MYO16: variants seen among roughly 807,000 people sequenced by gnomAD.
MYO16 encodes the protein unconventional myosin-XVI.
Under a neutral mutation model 205.3 loss-of-function variants are expected in MYO16, and 94 were observed. That is an observed-to-expected ratio of 0.46 (90% confidence interval 0.39 to 0.54). MYO16 has a LOEUF of 0.54. Among genes scored for constraint, MYO16 ranks in the 20% least tolerant of loss-of-function variants. The probability of loss-of-function intolerance (pLI) is 0.00; values close to 1 mark genes in which losing one functional copy is unlikely to be tolerated. For missense variants in MYO16, 2,315 were observed against 2,387.5 expected (o/e 0.97, Z 0.63); for synonymous variants, 988 against 954.0 (o/e 1.04, Z -0.66).
chr13:109,067,106 A>G (rs1887773276), intron 27 of MYO16, among the ~76,000 whole-genome samples: 1 of 152,270 alleles, frequency 6.6e-6, no homozygotes. Flanking sequence ...CATCACAGTC[A>G]TCATCATGGG....
At chr13:108,975,185 TTTTTG>T (rs1297218774) in intron 20 of MYO16, among the ~76,000 whole-genome samples, 1 of 146,236 alleles carries the variant, frequency 6.8e-6, no homozygotes, top group Non-Finnish European at 1.5e-5. Context: ...TGGGATACTG[TTTTTG>T]TTTTTTTTTT....
At chr13:108,821,999 A>T (rs1190471052) in intron 8 of MYO16, among the ~76,000 whole-genome samples, 1 of 152,186 alleles carries the variant, frequency 6.6e-6, no homozygotes, top group Non-Finnish European at 1.5e-5. Context: ...GTTTCAACTA[A>T]AGCAGATATG....
the MYO16 span, among the ~76,000 whole-genome samples, chr13:108,506,112 C>CT: frequency 0.12 from 18,591 of 151,952 alleles, 1,241 homozygotes; most frequent in Middle Eastern, 0.2. Flanking sequence ...CAGCTTTATT[C>CT]TTTTTTTCTC....
chr13:108,945,999 G>A (rs551539198), intron 16 of MYO16, among the ~76,000 whole-genome samples: 13 of 152,294 alleles, frequency 8.5e-5, no homozygotes, highest in South Asian at 8.3e-4. Flanking sequence ...TGGAAGGTGC[G>A]TCTGTGTGCC....
chr13:108,711,103 G>A (rs946723783), intron 2 of MYO16, among the ~76,000 whole-genome samples: 11 of 152,136 alleles, frequency 7.2e-5, no homozygotes, highest in Non-Finnish European at 1.3e-4. Context: ...GAGAAAGGGT[G>A]GGGGGAAGAG....
intron 9 of MYO16, among the ~76,000 whole-genome samples, chr13:108,828,467 G>A (rs941813313): frequency 4.3e-4 from 65 of 152,030 alleles, no homozygotes; most frequent in Non-Finnish European, 1.8e-4. Context: ...CAAAATGTGG[G>A]TGTTGTTTTG....
chr13:108,869,731 T>TTAA (rs1317454160), intron 12 of MYO16, among the ~76,000 whole-genome samples: 10 of 67,028 alleles, frequency 1.5e-4, no homozygotes, highest in African/African-American at 3.5e-4. Flanking sequence ...ACTCCGTTTC[T>TTAA]AAAAAAAAAA....
At chr13:108,777,820 G>T (rs761183057) in intron 4 of MYO16, among the ~76,000 whole-genome samples, 1 of 152,194 alleles carries the variant, frequency 6.6e-6, no homozygotes, top group Non-Finnish European at 1.5e-5. Context: ...ATGTAGGTAT[G>T]TTAACATTTT....
At chr13:109,180,888 T>C (rs1459224853) in intron 34 of MYO16, among the ~76,000 whole-genome samples, 2 of 152,250 alleles carry the variant, frequency 1.3e-5, no homozygotes, top group Non-Finnish European at 2.9e-5. Flanking sequence ...CTCCTGGTCA[T>C]GAACACTGGT....
chr13:108,912,409 T>G (rs2139239870), intron 16 of MYO16, among the ~76,000 whole-genome samples: 1 of 152,120 alleles, frequency 6.6e-6, no homozygotes, highest in Middle Eastern at 3.4e-3. Context: ...ACAATAGAAG[T>G]TTAGAAGAAA....
At chr13:108,530,007 TC>T in the MYO16 span, among the ~76,000 whole-genome samples, 1 of 152,190 alleles carries the variant, frequency 6.6e-6, no homozygotes, top group Admixed American at 6.5e-5. Context: ...TTTCCTGCCA[TC>T]CCCACAGTAA....
chr13:108,885,430 G>A (rs756156151), intron 13 of MYO16, among the ~76,000 whole-genome samples: 10 of 151,980 alleles, frequency 6.6e-5, no homozygotes, highest in Non-Finnish European at 1.5e-4. Flanking sequence ...ACTCATTCTG[G>A]ACTCAAGGAT....
At chr13:108,849,525 TTGTG>T (rs112815062) in intron 10 of MYO16, among the ~76,000 whole-genome samples, 8 of 127,750 alleles carry the variant, frequency 6.3e-5, no homozygotes, top group East Asian at 2.3e-4. Context: ...ATTTCCTCCT[TTGTG>T]TGTGTGTGTG....
rs1434356153 is a variant in MYO16 at position 109,140,414 on chromosome 13, C to T, written c.4202C>T (p.Ala1401Val). 8 of 1,578,302 alleles carry T rather than the reference C, an allele frequency of 5.1e-6. No homozygotes were observed. Among genetic ancestry groups the T allele is most frequent in the Non-Finnish European group, 5.1e-6 (6 of 1,168,646 alleles). The change falls in exon 32 of 35, where the codon GCC becomes GTC. Residue 1401 changes from alanine to valine, a missense_variant. By Grantham distance (64) the Ala-to-Val change is moderately conservative. Around this residue, in one of 3 missense-constraint regions of MYO16, gnomAD observed 1,097 missense variants for 1,092.0 expected, o/e 1.00. Transcript: ENST00000457511. The surrounding 1 kb of genome is among the most constrained non-coding windows in gnomAD (Gnocchi z 8.0). ...CCCGGGGACGCGAGGCCCGCGGGCG[C>T]CCCGGGGGCAGCAGCGCGCGTTCTG... ...SRPGDARPAG[A>V]PGAAARVLTP... is the part of the protein sequence containing the mutation.
upstream of MYO16, among the ~76,000 whole-genome samples, chr13:108,591,206 C>A (rs1878390446): frequency 6.6e-6 from 1 of 152,170 alleles, no homozygotes; most frequent in South Asian, 2.1e-4. Flanking sequence ...GGAGTCTGTC[C>A]TGCAGTCTGA....
intron 31 of MYO16, among the ~76,000 whole-genome samples, chr13:109,131,251 C>T (rs1322643453): frequency 1.3e-5 from 2 of 152,156 alleles, no homozygotes; most frequent in Non-Finnish European, 2.9e-5. Context: ...CAGATGGTTA[C>T]AGAGTGAAAG....
intron 12 of MYO16, among the ~76,000 whole-genome samples, chr13:108,876,369 C>T (rs550199496): frequency 2.3e-4 from 35 of 152,046 alleles, no homozygotes; most frequent in African/African-American, 8.2e-4. Context: ...TAAGAAAACA[C>T]TGTGTCCTAA....
chr13:109,050,541 A>G (rs1161373170), intron 24 of MYO16, among the ~76,000 whole-genome samples: 18 of 152,156 alleles, frequency 1.2e-4, no homozygotes, highest in Admixed American at 1.2e-3. Flanking sequence ...GTACTTTGAA[A>G]CTATGTAAAT....
At chr13:108,709,189 A>T (rs566051665) in intron 2 of MYO16, among the ~76,000 whole-genome samples, 2 of 152,306 alleles carry the variant, frequency 1.3e-5, no homozygotes, top group South Asian at 4.1e-4. Flanking sequence ...TAACAGAAAG[A>T]TTCAGAGTGG....
Sources: gnomAD v4.1 joint callset for allele counts (sites outside exome capture counted in the v4.1 genomes callset) on GRCh38, gnomAD v4.1.1 for gene constraint, gnomAD v4.1.1 regional missense constraint, Gnocchi (gnomAD v3.1) non-coding constraint, MANE v1.5 for transcripts, NCBI Gene and HGNC (gene_info 2026-07-23, HGNC 2026-07-21) for gene names.